NRXN3: variants seen among roughly 807,000 people sequenced by gnomAD.
NRXN3 encodes the protein neurexin 3.
Under a neutral mutation model 137.6 loss-of-function variants are expected in NRXN3, and 32 were observed. The observed-to-expected ratio is 0.23, with a 90% confidence interval of 0.18 to 0.31. NRXN3 has a LOEUF of 0.31. NRXN3 is among the 10% of genes least tolerant of loss of function. The pLI, the probability that NRXN3 is intolerant of heterozygous loss-of-function variation, is 1.00. For synonymous variants in NRXN3, 798 were observed against 784.5 expected (o/e 1.02, Z -0.29); for missense variants, 1,574 against 2,062.5 (o/e 0.76, Z 4.59).
At chr14:79,327,778 C>G (rs2091110154) in intron 15 of NRXN3, among the ~76,000 whole-genome samples, 1 of 152,102 alleles carries the variant, frequency 6.6e-6, no homozygotes, top group Non-Finnish European at 1.5e-5. Context: ...TGGAGGAGGA[C>G]AGTATCTTTC....
At chr14:78,351,220 T>C (rs1486583345) in intron 4 of NRXN3, among the ~76,000 whole-genome samples, 1 of 152,246 alleles carries the variant, frequency 6.6e-6, no homozygotes, top group African/African-American at 2.4e-5. Flanking sequence ...TGCTGTATAG[T>C]GTTCTATCAA....
In NRXN3 at chr14:79,861,811, G is replaced by A; in HGVS notation, c.4563G>A (p.Arg1521=). The change falls in exon 21 of 21, where the codon AGG becomes AGA. Residue 1521 remains arginine (R), a synonymous_variant. Transcript: ENST00000335750. The surrounding 1 kb of genome is among the most constrained non-coding windows in gnomAD (Gnocchi z 5.4). ...LILLYAMYKY[R]NRDEGSYQVD... ...TCCTGTACGCCATGTACAAGTACAG[G>A]AACAGGGACGAGGGGTCCTATCAAG... 6.2e-7 allele frequency: 1 copy of A among 1,614,074 alleles called. No homozygotes were observed. The highest frequency in any genetic ancestry group is 8.5e-7 in the Non-Finnish European group (1 of 1,180,024).
intron 16 of NRXN3, among the ~76,000 whole-genome samples, chr14:79,498,625 T>C (rs2096789933): frequency 1.3e-5 from 2 of 152,236 alleles, no homozygotes; most frequent in South Asian, 4.1e-4. Flanking sequence ...CAAAGTTCTA[T>C]AGAATCTACC....
chr14:79,363,998 T>A (rs1223124676), intron 15 of NRXN3, among the ~76,000 whole-genome samples: 1 of 152,184 alleles, frequency 6.6e-6, no homozygotes, highest in Non-Finnish European at 1.5e-5. Context: ...TGGGGTAAAG[T>A]GCTGGAGAAG....
intron 15 of NRXN3, among the ~76,000 whole-genome samples, chr14:79,204,960 A>G (rs911264691): frequency 6.6e-6 from 1 of 152,150 alleles, no homozygotes; most frequent in Non-Finnish European, 1.5e-5. Context: ...GTGGTATCAC[A>G]TTCTTCCCTC....
intron 1 of NRXN3, among the ~76,000 whole-genome samples, chr14:78,182,343 G>A (rs1022852164): frequency 6.6e-6 from 1 of 152,088 alleles, no homozygotes; most frequent in African/African-American, 2.4e-5. Flanking sequence ...ACATCCCACC[G>A]AGATGTTTTT....
At position 78,591,990 on chromosome 14, in the gene NRXN3, C is replaced by A. The variant is rs751549315; in HGVS notation, c.758-53130C>A. On this transcript the variant is annotated intron_variant, in intron 4 of 20. Transcript: ENST00000335750. ...AATGCGTAGGCCTCAGACTTCTGAA[C>A]TCATTTCTCTGAGATGAGATGTCCA... Among the ~76,000 whole-genome samples, 62 of 152,290 alleles carry A rather than the reference C, an allele frequency of 4.1e-4. 1 individual carries two copies. The highest frequency in any genetic ancestry group is 1.2e-3 in the South Asian group (6 of 4,820).
intron 4 of NRXN3, among the ~76,000 whole-genome samples, chr14:78,448,599 G>A (rs2094478072): frequency 6.6e-6 from 1 of 152,184 alleles, no homozygotes; most frequent in Non-Finnish European, 1.5e-5. Context: ...TCTCTGAACT[G>A]GGACAAGGGT....
At chr14:78,480,743 T>C (rs1054498265) in intron 4 of NRXN3, among the ~76,000 whole-genome samples, 1 of 152,146 alleles carries the variant, frequency 6.6e-6, no homozygotes. Flanking sequence ...ATTGTGCAGC[T>C]TTTTTTGTCC....
At chr14:78,444,168 T>C (rs1181143780) in intron 4 of NRXN3, among the ~76,000 whole-genome samples, 1 of 152,224 alleles carries the variant, frequency 6.6e-6, no homozygotes, top group East Asian at 1.9e-4. Flanking sequence ...ATTGACCTCC[T>C]AATATAAGCC....
intron 15 of NRXN3, among the ~76,000 whole-genome samples, chr14:79,139,194 G>C (rs2058552052): frequency 1.3e-5 from 2 of 152,198 alleles, no homozygotes; most frequent in Admixed American, 1.3e-4. Context: ...ACTTTGAATG[G>C]TGGGTGTGTG....
chr14:79,833,229 C>T (rs900236230), intron 20 of NRXN3, among the ~76,000 whole-genome samples: 14 of 152,124 alleles, frequency 9.2e-5, no homozygotes, highest in South Asian at 2.1e-4. Flanking sequence ...ACAATATCTA[C>T]GCACATTATA....
intron 8 of NRXN3, among the ~76,000 whole-genome samples, chr14:78,746,423 T>A (rs1463081791): frequency 6.6e-6 from 1 of 152,128 alleles, no homozygotes. Flanking sequence ...TGTTGACCTT[T>A]AGTGGGATAA....
chr14:79,723,969 T>C (rs561726335), intron 19 of NRXN3, among the ~76,000 whole-genome samples: 1 of 152,222 alleles, frequency 6.6e-6, no homozygotes, highest in African/African-American at 2.4e-5. Flanking sequence ...CCCATTTCTC[T>C]TTACTTTTGG....
chr14:79,247,132 G>A (rs2075301402), intron 15 of NRXN3: 1 of 152,058 alleles, frequency 6.6e-6, no homozygotes, highest in Non-Finnish European at 1.5e-5. Flanking sequence ...GAAAAACCAA[G>A]TTAGATGTGT....
chr14:78,788,980 C>G (rs1393842978), intron 8 of NRXN3, among the ~76,000 whole-genome samples: 1 of 152,168 alleles, frequency 6.6e-6, no homozygotes, highest in Non-Finnish European at 1.5e-5. Context: ...GTAATCACAG[C>G]TCTGCACAAT....
At chr14:79,805,248 C>T (rs775316610) in intron 20 of NRXN3, 58 bp downstream of exon 20, 26 of 1,219,738 alleles carry the variant, frequency 2.1e-5, no homozygotes, top group Non-Finnish European at 3.0e-5. Context: ...AAAAACAATA[C>T]ATACATATAT....
At chr14:78,605,874 T>G (rs564849662) in intron 4 of NRXN3, among the ~76,000 whole-genome samples, 1 of 152,316 alleles carries the variant, frequency 6.6e-6, no homozygotes, top group Non-Finnish European at 1.5e-5. Flanking sequence ...AGTCAGATTT[T>G]TTAAAATAAT....
intron 15 of NRXN3, among the ~76,000 whole-genome samples, chr14:79,040,742 G>A (rs2099623721): frequency 6.6e-6 from 1 of 152,128 alleles, no homozygotes; most frequent in African/African-American, 2.4e-5. Context: ...TGAGGGCTGG[G>A]TGTCTCATGT....
Sources: gnomAD v4.1 joint callset for allele counts (sites outside exome capture counted in the v4.1 genomes callset) on GRCh38, gnomAD v4.1.1 for gene constraint, Gnocchi (gnomAD v3.1) non-coding constraint, MANE v1.5 for transcripts, NCBI Gene and HGNC (gene_info 2026-07-23, HGNC 2026-07-21) for gene names.